Variants in ZMYM3 observed in about 807,000 individuals in gnomAD.
The protein encoded by ZMYM3 is zinc finger MYM-type protein 3.
A neutral mutation model predicts 94.2 loss-of-function variants in ZMYM3; 6 were observed. The observed-to-expected ratio is 0.06, with a 90% CI of 0.03 to 0.13. The LOEUF (loss-of-function observed/expected upper bound fraction) is 0.13, where lower values mean the gene tolerates loss of function less well. Among genes scored for constraint, ZMYM3 ranks in the 10% least tolerant of loss-of-function variants. The probability of loss-of-function intolerance (pLI) is 1.00; values close to 1 mark genes in which losing one functional copy is unlikely to be tolerated. For synonymous variants in ZMYM3, 420 were observed against 426.5 expected, an observed-to-expected ratio of 0.98 and a Z score of 0.19; for missense variants, 664 against 1,132.6, an observed-to-expected ratio of 0.59 and a Z score of 5.94.
At position 71,246,476 on chromosome X, in the gene ZMYM3, T is replaced by TGGGGGGGGGGGGGGGGGGG; in HGVS notation, c.2448_2449insCCCCCCCCCCCCCCCCCCC (p.Thr817ProfsTer26). Reference sequence around the variant, plus strand: ...GCTGGGGGTGGTGGGGGTGGAGGGGTGGGAGCAGTGGGAGCTGATCGGGTC... The same window carrying TGGGGGGGGGGGGGGGGGGG: ...GCTGGGGGTGGTGGGGGTGGAGGGGTGGGGGGGGGGGGGGGGGGGGGGAGCAGTGGGAGCTGATCGGGTC... On this transcript the variant is annotated frameshift_variant, in exon 15 of 25. Coordinates refer to ENST00000314425, the MANE Select transcript of ZMYM3 (RefSeq NM_201599.3). LOFTEE classifies it high-confidence loss of function. 9.9e-6 allele frequency: 1 copy of TGGGGGGGGGGGGGGGGGGG among 100,744 alleles called. No individual in the cohort carries two copies. Among genetic ancestry groups the TGGGGGGGGGGGGGGGGGGG allele is most frequent in the Non-Finnish European group, 1.8e-5 (1 of 56,505 alleles). The allele number at this position is 100,744 out of a possible 1,213,427, so 8.3% of individuals were successfully genotyped here.
At chrX:71,243,765 T>G in intron 21 of ZMYM3, 64 bp downstream of exon 21, 1 of 1,183,688 alleles carries the variant, frequency 8.4e-7, no homozygotes, top group Non-Finnish European at 1.1e-6. Flanking sequence ...CCAGAATCAT[T>G]TCTGTTTAGA....
rs141256730 is a variant in ZMYM3 at position 71,243,010 on chromosome X, G to A, written c.3507C>T (p.Asn1169=). ...TGGGCTGCCAGGTACTCAGAGACTT[G>A]TTGAGTTCTTGAACAAAAGTCAGGT... ...LYYLTFVQEL[N]KSLSTWQPTL... Residue 1169 remains asparagine, a synonymous_variant, in exon 22 of 25, where the codon AAC becomes AAT. Coordinates refer to ENST00000314425, the MANE Select transcript of ZMYM3 (RefSeq NM_201599.3). The A allele has an allele frequency of 1.1e-4, 135 of 1,209,686 alleles. No individual in the cohort carries two copies. The African/African-American group carries it at 2.3e-3, about 21-fold the overall frequency.
intron 10 of ZMYM3, 46 bp from the exon 11 acceptor site, chrX:71,248,358 C>G (rs751764281): frequency 5.9e-6 from 7 of 1,190,274 alleles, no homozygotes; most frequent in Non-Finnish European, 6.8e-6. Flanking sequence ...TAACATCTGG[C>G]CCCAGCAGGG....
In ZMYM3 at chrX:71,249,691, A is replaced by G. The variant is rs141426448; in HGVS notation, c.1252-12T>C. 206 of 1,205,974 alleles carry G rather than the reference A, an allele frequency of 1.7e-4. No individual in the cohort carries two copies. In the African/African-American group the frequency reaches 3.2e-3, roughly 19 times the overall value. On this transcript the variant is annotated splice_polypyrimidine_tract_variant and intron_variant, in intron 6 of 24. Coordinates refer to ENST00000314425, the MANE Select transcript of ZMYM3 (RefSeq NM_201599.3). ...ACCTCGTGCAGGACCTGCCACACAC[A>G]TACACGCACCCTGAGCTAGGGCCTG...
At chrX:71,254,982 C>G, upstream of ZMYM3, 1 of 110,057 alleles carries the variant, frequency 9.1e-6, no homozygotes, top group Non-Finnish European at 1.9e-5. Context: ...CTACCCCCTA[C>G]TCTCTCAACA....
rs770207615 is a variant in ZMYM3, at chrX:71,248,570, C to T, written c.1738-46G>A. ...TAAGGGAGGGGCAAGATGTGTGCAG[C>T]GGTGGGGAAGGGGAGTCAGGCTTGT... On this transcript the variant is annotated intron_variant, in intron 9 of 24. Transcript: ENST00000314425. The T allele has an allele frequency of 2.8e-5, 33 of 1,177,862 alleles. No homozygotes were observed. In the Admixed American group the frequency reaches 5.6e-4, roughly 20 times the overall value.
Position 71,240,882 on chromosome X carries a change from T to C in ZMYM3, c.*34A>G. On this transcript the variant is annotated 3_prime_UTR_variant, in exon 25 of 25. Coordinates refer to ENST00000314425, the MANE Select transcript of ZMYM3 (RefSeq NM_201599.3). The stretch of plus-strand genomic sequence containing the variant: ...AGGGACATGGCCACAGGACAGACAT[T>C]GATGTGAAAGATGGATATGGATGGC... 2 of 1,189,915 alleles carry C rather than the reference T, an allele frequency of 1.7e-6. No individual in the cohort carries two copies. The highest frequency in any genetic ancestry group is 3.6e-5 in the South Asian group (2 of 54,891).
Position 71,253,013 on chromosome X carries a change from C to G in ZMYM3, c.243G>C (p.Gly81=). ...GVLDGATELL[G]LGGLLYKAPS... ...GGGCTTTATAGAGCAGCCCCCCCAGCCCCAGCAACTCAGTGGCTCCATCCA... is the reference window on the plus strand; with the variant it reads ...GGGCTTTATAGAGCAGCCCCCCCAGGCCCAGCAACTCAGTGGCTCCATCCA... The change falls in exon 2 of 25, where the codon GGG becomes GGC. Residue 81 remains glycine (G), a synonymous_variant. Transcript: ENST00000314425. 1 of 1,207,376 alleles carries G rather than the reference C, an allele frequency of 8.3e-7. No individual in the cohort carries two copies. The highest frequency in any genetic ancestry group is 1.1e-6 in the Non-Finnish European group (1 of 893,501).
Position 71,246,490 on chromosome X carries a change from G to C in ZMYM3, c.2435C>G (p.Ala812Gly). ...LGKIPVKTRS[A>G]PTAPTPPPPP... Reference sequence around the variant, plus strand: ...GGGTGGAGGGGTGGGAGCAGTGGGAGCTGATCGGGTCTTCACAGGGATCTG... The same window carrying C: ...GGGTGGAGGGGTGGGAGCAGTGGGACCTGATCGGGTCTTCACAGGGATCTG... Residue 812 changes from alanine (A) to glycine (G), a missense_variant, in exon 15 of 25, where the codon GCT becomes GGT. By Grantham distance (60) the Ala-to-Gly change is moderately conservative. This residue lies in a region of ZMYM3 where 57 missense variants were observed against 52.0 expected (regional missense o/e 1.10). Coordinates refer to ENST00000314425, the MANE Select transcript of ZMYM3 (RefSeq NM_201599.3). 8.6e-7 allele frequency: 1 copy of C among 1,164,275 alleles called. No individual in the cohort carries two copies. Among genetic ancestry groups the C allele is most frequent in the Non-Finnish European group, 1.1e-6 (1 of 871,334 alleles).
At chrX:71,248,041 G>A in intron 11 of ZMYM3, 121 bp downstream of exon 11, 1 of 1,103,139 alleles carries the variant, frequency 9.1e-7, no homozygotes. Context: ...GGGGAGATGG[G>A]GGTAGAACAT....
intron 3 of ZMYM3, 127 bp from the exon 4 acceptor site, chrX:71,251,371 T>TAGGAGGAGGGAAGAAA: frequency 1.1e-6 from 1 of 921,803 alleles, no homozygotes; most frequent in Non-Finnish European, 1.5e-6. Flanking sequence ...GCCCAGCCCT[T>TAGGAGGAGGGAAGAAA]AGGAGGAGGG....
chrX:71,249,915 T>C, intron 6 of ZMYM3, 111 bp downstream of exon 6: 1 of 1,066,853 alleles, frequency 9.4e-7, no homozygotes, highest in Non-Finnish European at 1.2e-6. Context: ...GATGGCCGCC[T>C]TTCCTCCCCA....
intron 20 of ZMYM3, 140 bp downstream of exon 20, chrX:71,244,162 C>T: frequency 1.3e-5 from 13 of 984,337 alleles, no homozygotes; most frequent in Non-Finnish European, 1.8e-5. Context: ...TCCTCCCCAT[C>T]TTCACAGGGC....
chrX:71,251,639 T>C (rs1208958383), intron 2 of ZMYM3, 38 bp from the exon 3 acceptor site: 1 of 1,149,906 alleles, frequency 8.7e-7, no homozygotes, highest in Admixed American at 2.7e-5. Context: ...ATGTTGAGCC[T>C]GCCCTCACCA....
Position 71,249,776 on chromosome X carries a change from C to T in ZMYM3, c.1252-97G>A, listed in dbSNP as rs2030363153. 2.7e-6 allele frequency: 3 copies of T among 1,124,728 alleles called. No individual in the cohort carries two copies. The South Asian group carries it at 6.5e-5, about 25-fold the overall frequency. 92.7% of individuals were successfully genotyped at this position (1,124,728 alleles called of 1,213,427 possible). On this transcript the variant is annotated intron_variant, in intron 6 of 24. Coordinates refer to ENST00000314425, the MANE Select transcript of ZMYM3 (RefSeq NM_201599.3). Reference sequence around the variant, plus strand: ...CCCACCTCACCCTAGACCTTCACAGCAGACAGTGGGCCCAGGGACCCCCCA... The same window carrying T: ...CCCACCTCACCCTAGACCTTCACAGTAGACAGTGGGCCCAGGGACCCCCCA...
In ZMYM3 at chrX:71,247,461, A is replaced by G; in HGVS notation, c.2198T>C (p.Ile733Thr). ...CKRQGKLLET[I>T]HWRGQIRHFC... ...ATGACGGATCTGCCCACGCCAGTGG[A>G]TGGTCTCCAGCAGCTTCCCCTGGCG... The change falls in exon 13 of 25, where the codon ATC becomes ACC. Residue 733 changes from isoleucine (I) to threonine (T), a missense_variant. Ile to Thr is a moderately conservative substitution (Grantham distance 89). Around this residue, in one of 9 missense-constraint regions of ZMYM3, gnomAD observed 159 missense variants for 313.0 expected, o/e 0.51. Coordinates refer to ENST00000314425, the MANE Select transcript of ZMYM3 (RefSeq NM_201599.3). 1 of 1,211,436 alleles carries G rather than the reference A, an allele frequency of 8.3e-7. No individual in the cohort carries two copies. Among genetic ancestry groups the G allele is most frequent in the Non-Finnish European group, 1.1e-6 (1 of 895,261 alleles).
rs988622122 is a variant in ZMYM3 at position 71,249,687 on chromosome X, A to G, written c.1252-8T>C. ...GCTGACCTCGTGCAGGACCTGCCAC[A>G]CACATACACGCACCCTGAGCTAGGG... is the stretch of plus-strand genomic sequence containing the variant. On this transcript the variant is annotated splice_region_variant and splice_polypyrimidine_tract_variant and intron_variant, in intron 6 of 24. Coordinates refer to ENST00000314425, the MANE Select transcript of ZMYM3 (RefSeq NM_201599.3). 1 of 1,207,179 alleles carries G rather than the reference A, an allele frequency of 8.3e-7. No homozygotes were observed.
chrX:71,245,969 A>G lies in ZMYM3; in HGVS notation c.2685+17T>C. On this transcript the variant is annotated intron_variant, in intron 16 of 24. Coordinates refer to ENST00000314425, the MANE Select transcript of ZMYM3 (RefSeq NM_201599.3). ...AGGGGAAAGGAGGACCCAGCCAGGA[A>G]GGGCAGGGAAACTCACCGGGATAGG... 5.0e-6 allele frequency: 6 copies of G among 1,201,831 alleles called. No homozygotes were observed. Among genetic ancestry groups the G allele is most frequent in the Non-Finnish European group, 5.6e-6 (5 of 888,370 alleles).
At chrX:71,252,510 A>C in intron 2 of ZMYM3, 79 bp downstream of exon 2, 1 of 1,018,138 alleles carries the variant, frequency 9.8e-7, no homozygotes, top group Non-Finnish European at 1.3e-6. Flanking sequence ...CCTCCCCACT[A>C]CTTCCCAAAG....
Sources: allele counts gnomAD v4.1 joint callset, GRCh38; gene constraint gnomAD v4.1.1; regional missense constraint gnomAD v4.1.1; transcripts MANE v1.5; gene names NCBI Gene and HGNC (gene_info 2026-07-23, HGNC 2026-07-21).